Variants in CLEC2A observed in about 807,000 individuals in gnomAD.
CLEC2A encodes the protein C-type lectin domain family 2 member A, also known as keratinocyte-associated C-type lectin.
A neutral mutation model predicts 18.6 loss-of-function variants in CLEC2A; 19 were observed. The ratio of observed to expected loss-of-function variants is 1.02; its 90% CI spans 0.71 to 1.50. CLEC2A has a LOEUF of 1.50. CLEC2A is among the 40% of genes most tolerant of loss of function. The pLI is 0.00. For missense variants in CLEC2A, 190 were observed against 207.9 expected, an observed-to-expected ratio of 0.91 and a Z score of 0.53; for synonymous variants, 74 against 64.0, an observed-to-expected ratio of 1.16 and a Z score of -0.75.
intron 4 of CLEC2A, among the ~76,000 whole-genome samples, chr12:9,907,526 C>G (rs73048817): frequency 0.13 from 19,375 of 152,020 alleles, 1,754 homozygotes; most frequent in Admixed American, 0.24. Flanking sequence ...ATTAAGTGCC[C>G]TAAATATGTA....
intron 1 of CLEC2A, among the ~76,000 whole-genome samples, chr12:9,930,650 T>C (rs1415335698): frequency 6.6e-6 from 1 of 152,082 alleles, no homozygotes; most frequent in Non-Finnish European, 1.5e-5. Context: ...TTGTACACTT[T>C]TGAAGTTTCA....
At chr12:9,906,035 T>TTC (rs1862903993) in intron 4 of CLEC2A, among the ~76,000 whole-genome samples, 1 of 151,622 alleles carries the variant, frequency 6.6e-6, no homozygotes, top group Non-Finnish European at 1.5e-5. Context: ...GTTTTTTTTT[T>TTC]TTTTACATAT....
At chr12:9,900,828 C>A (rs375962332) in intron 4 of CLEC2A, among the ~76,000 whole-genome samples, 3 of 152,248 alleles carry the variant, frequency 2.0e-5, no homozygotes, top group Non-Finnish European at 2.9e-5. Context: ...GCAAGCTTAC[C>A]CTTCCAGTCA....
At chr12:9,883,157 ATTC>A in the CLEC2A span, among the ~76,000 whole-genome samples, 1 of 152,210 alleles carries the variant, frequency 6.6e-6, no homozygotes, top group Non-Finnish European at 1.5e-5. Flanking sequence ...ACCTAAGGGA[ATTC>A]TTACCAGTTG....
chr12:9,909,055 A>C (rs554087333), downstream of CLEC2A, among the ~76,000 whole-genome samples: 10 of 152,330 alleles, frequency 6.6e-5, no homozygotes, highest in South Asian at 1.0e-3. Flanking sequence ...ATTTCTTGGA[A>C]ATGTCTGCCC....
the CLEC2A span, chr12:9,881,761 A>G: frequency 2.2e-5 from 19 of 850,310 alleles, no homozygotes; most frequent in Non-Finnish European, 3.5e-5. Context: ...AACATTGATC[A>G]TAATAAGGAA....
chr12:9,878,735 C>T, the CLEC2A span, among the ~76,000 whole-genome samples: 2,501 of 152,158 alleles, frequency 0.016, 77 homozygotes, highest in African/African-American at 0.057. Context: ...AGGGGTCTGG[C>T]GCCCAGGATG....
chr12:9,895,955 G>T (rs1862751631), downstream of CLEC2A: 13 of 910,584 alleles, frequency 1.4e-5, no homozygotes, highest in Admixed American at 3.7e-5. Context: ...CTAAATAGGA[G>T]AAAAGTATTT....
chr12:9,885,221 A>G, the CLEC2A span, among the ~76,000 whole-genome samples: 1 of 151,788 alleles, frequency 6.6e-6, no homozygotes, highest in Non-Finnish European at 1.5e-5. Context: ...ATCTTTTCTT[A>G]TAAAGAACCC....
chr12:9,893,709 C>CT (rs869280696), downstream of CLEC2A, among the ~76,000 whole-genome samples: 1 of 126,310 alleles, frequency 7.9e-6, no homozygotes, highest in African/African-American at 2.7e-5. Context: ...TCCTCCCTCC[C>CT]TTTTTTTTCT....
chr12:9,878,608 T>C, the CLEC2A span, among the ~76,000 whole-genome samples: 3 of 152,208 alleles, frequency 2.0e-5, no homozygotes, highest in African/African-American at 7.2e-5. Flanking sequence ...CTCTAAAATA[T>C]TTCAGCATTC....
At chr12:9,919,458 G>A (rs1385210899) in intron 3 of CLEC2A, among the ~76,000 whole-genome samples, 1 of 152,230 alleles carries the variant, frequency 6.6e-6, no homozygotes, top group African/African-American at 2.4e-5. Flanking sequence ...GTGTGGATGA[G>A]AGACTTAGGG....
chr12:9,906,432 C>G (rs1862909232), intron 4 of CLEC2A, among the ~76,000 whole-genome samples: 1 of 152,146 alleles, frequency 6.6e-6, no homozygotes. Context: ...TGGACAATAG[C>G]TATCTCTTTG....
chr12:9,889,359 G>T, the CLEC2A span, among the ~76,000 whole-genome samples: 1 of 152,016 alleles, frequency 6.6e-6, no homozygotes, highest in South Asian at 2.1e-4. Flanking sequence ...TCACTGGGAA[G>T]ATATTTTTTA....
At chr12:9,888,918 C>T in the CLEC2A span, 1 of 504,134 alleles carries the variant, frequency 2.0e-6, no homozygotes, top group Admixed American at 3.1e-5. Context: ...AAAGGACATC[C>T]TCTTCCTCAG....
downstream of CLEC2A, among the ~76,000 whole-genome samples, chr12:9,894,772 A>G (rs1256677586): frequency 2.6e-5 from 4 of 152,206 alleles, no homozygotes; most frequent in Admixed American, 2.6e-4. Context: ...ATAAAACTAA[A>G]GGATGAAGTA....
chr12:9,928,336 A>G (rs1863313068), intron 1 of CLEC2A, among the ~76,000 whole-genome samples: 1 of 152,032 alleles, frequency 6.6e-6, no homozygotes, highest in Admixed American at 6.6e-5. Flanking sequence ...GCATGATGGC[A>G]GGCACCTGTA....
intron 2 of CLEC2A, among the ~76,000 whole-genome samples, chr12:9,923,498 A>C (rs1863208305): frequency 6.6e-6 from 1 of 152,178 alleles, no homozygotes; most frequent in Non-Finnish European, 1.5e-5. Context: ...AACTAGTTCA[A>C]CCATTGTGGA....
chr12:9,902,331 T>G (rs1862842409), intron 4 of CLEC2A, among the ~76,000 whole-genome samples: 1 of 151,598 alleles, frequency 6.6e-6, no homozygotes, highest in Non-Finnish European at 1.5e-5. Context: ...CCTCCTGGGT[T>G]CAAGCAATTC....
Sources: gnomAD v4.1 joint callset for allele counts (sites outside exome capture counted in the v4.1 genomes callset) on GRCh38, gnomAD v4.1.1 for gene constraint, MANE v1.5 for transcripts, NCBI Gene and HGNC (gene_info 2026-07-23, HGNC 2026-07-21) for gene names.